Variants in VPS37A observed in about 807,000 individuals in gnomAD.
VPS37A encodes the protein vacuolar protein sorting-associated protein 37A.
Under a neutral mutation model 49.8 loss-of-function variants are expected in VPS37A, and 30 were observed. The ratio of observed to expected loss-of-function variants is 0.60; its 90% confidence interval spans 0.45 to 0.82. VPS37A has a LOEUF of 0.82. VPS37A is among the 40% of genes least tolerant of loss of function. The probability of loss-of-function intolerance (pLI) is 0.00; values close to 1 mark genes in which losing one functional copy is unlikely to be tolerated. For missense variants in VPS37A, 593 were observed against 464.4 expected (o/e 1.28, Z -2.55); for synonymous variants, 195 against 160.6 (o/e 1.21, Z -1.62).
In VPS37A at chr8:17,247,240, G is replaced by T; in HGVS notation, c.-5G>T. On this transcript the variant is annotated 5_prime_UTR_variant, in exon 1 of 12. It adds an upstream start codon to the 5' untranslated region. Coordinates refer to ENST00000324849, the MANE Select transcript of VPS37A (RefSeq NM_152415.3). ...CAGGGCCTCCGGCCCGTGGACCCGA[G>T]GAGGATGAGCTGGCTTTTTCCCCTG... 2 of 1,568,600 alleles carry T rather than the reference G, an allele frequency of 1.3e-6. No individual in the cohort carries two copies. Among genetic ancestry groups the T allele is most frequent in the East Asian group, 2.4e-5 (1 of 42,080 alleles).
intron 10 of VPS37A, among the ~76,000 whole-genome samples, chr8:17,285,092 T>C (rs1815466388): frequency 6.6e-6 from 1 of 152,166 alleles, no homozygotes; most frequent in African/African-American, 2.4e-5. Flanking sequence ...CAAATTACTT[T>C]AGCATACTCA....
intron 4 of VPS37A, among the ~76,000 whole-genome samples, chr8:17,271,401 C>A (rs796953478): frequency 6.6e-6 from 1 of 152,084 alleles, no homozygotes; most frequent in Non-Finnish European, 1.5e-5. Context: ...GTCAGGAGAT[C>A]GAGACCATCC....
At chr8:17,307,356 G>A (rs1448893955), downstream of VPS37A, among the ~76,000 whole-genome samples, 1 of 152,198 alleles carries the variant, frequency 6.6e-6, no homozygotes, top group African/African-American at 2.4e-5. Context: ...ACACCAGTTA[G>A]AATGGCGATC....
intron 1 of VPS37A, chr8:17,265,700 A>G (rs1342517391): frequency 5.0e-5 from 68 of 1,367,238 alleles, no homozygotes; most frequent in Non-Finnish European, 6.2e-5. Context: ...CTTCCCCTGG[A>G]TAGTTTAGAA....
intron 1 of VPS37A, chr8:17,247,593 C>T: frequency 4.2e-6 from 3 of 719,092 alleles, no homozygotes; most frequent in Admixed American, 4.0e-5. Context: ...GCTTCTAACT[C>T]GGATTTCCTC....
At chr8:17,322,656 C>CA in the VPS37A span, among the ~76,000 whole-genome samples, 3 of 151,992 alleles carry the variant, frequency 2.0e-5, no homozygotes, top group African/African-American at 7.2e-5. Context: ...CCCATCTCTA[C>CA]AAAAAATAAA....
chr8:17,269,273 G>T (rs1194478016), intron 4 of VPS37A, among the ~76,000 whole-genome samples: 2 of 152,072 alleles, frequency 1.3e-5, no homozygotes, highest in South Asian at 4.1e-4. Context: ...CACTGTCTCA[G>T]TGAAATTATA....
At position 17,274,797 on chromosome 8, in the gene VPS37A, T is replaced by C. The variant is rs1225940395; in HGVS notation, c.481T>C (p.Tyr161His). 5 of 1,614,070 alleles carry C rather than the reference T, an allele frequency of 3.1e-6. No homozygotes were observed. Among genetic ancestry groups the C allele is most frequent in the Non-Finnish European group, 4.2e-6 (5 of 1,180,016 alleles). The change falls in exon 5 of 12, where the codon TAT (tyrosine) becomes CAT (histidine). Residue 161 changes from tyrosine to histidine, a missense_variant. Transcript: ENST00000324849. ...ASQGFPFLPP[Y>H]PPQEANRSIT... ...TCAGGGTTTTCCATTTCTTCCTCCA[T>C]ATCCTCCACAAGAAGCAAACAGGAG...
chr8:17,318,419 C>T, the VPS37A span, among the ~76,000 whole-genome samples: 5 of 152,236 alleles, frequency 3.3e-5, no homozygotes, highest in Middle Eastern at 3.4e-3. Flanking sequence ...AAAAAAGGTA[C>T]AGGATGAGCA....
chr8:17,316,080 T>C, the VPS37A span, among the ~76,000 whole-genome samples: 10 of 152,162 alleles, frequency 6.6e-5, no homozygotes, highest in South Asian at 2.1e-4. Flanking sequence ...CCTATGAAGA[T>C]TGTTAATATT....
chr8:17,273,409 C>T (rs911245263), intron 4 of VPS37A, among the ~76,000 whole-genome samples: 1 of 152,200 alleles, frequency 6.6e-6, no homozygotes, highest in Non-Finnish European at 1.5e-5. Flanking sequence ...CTATTTTCCC[C>T]AGGCTGGAGT....
At chr8:17,300,317 G>A, downstream of VPS37A, 1 of 1,317,172 alleles carries the variant, frequency 7.6e-7, no homozygotes, top group Non-Finnish European at 1.0e-6. Context: ...CCTCCCACGT[G>A]GGTATAATGT....
intron 9 of VPS37A, among the ~76,000 whole-genome samples, chr8:17,283,105 G>T (rs1815242650): frequency 6.6e-6 from 1 of 152,124 alleles, no homozygotes; most frequent in African/African-American, 2.4e-5. Flanking sequence ...AGAAAATGGT[G>T]CATTACAGTT....
At chr8:17,257,058 A>G (rs1812532773) in intron 1 of VPS37A, among the ~76,000 whole-genome samples, 1 of 152,148 alleles carries the variant, frequency 6.6e-6, no homozygotes, top group African/African-American at 2.4e-5. Flanking sequence ...CCATAGTTTC[A>G]GGTCTTAGAT....
chr8:17,249,666 A>G (rs1811789431), intron 1 of VPS37A, among the ~76,000 whole-genome samples: 1 of 152,222 alleles, frequency 6.6e-6, no homozygotes, highest in Non-Finnish European at 1.5e-5. Flanking sequence ...GCTGGGAGGT[A>G]AAAAATAATC....
chr8:17,257,003 G>C (rs11786857), intron 1 of VPS37A, among the ~76,000 whole-genome samples: 5,383 of 152,198 alleles, frequency 0.035, 152 homozygotes, highest in Non-Finnish European at 0.051. Context: ...TGTTTGCCTA[G>C]AACAATGTAC....
the VPS37A span, chr8:17,331,357 T>C: frequency 6.9e-7 from 1 of 1,438,850 alleles, no homozygotes; most frequent in Non-Finnish European, 9.3e-7. Context: ...AAACATTTCA[T>C]GGATACCCAA....
chr8:17,248,424 G>C (rs1811628562), intron 1 of VPS37A: 2 of 453,370 alleles, frequency 4.4e-6, no homozygotes, highest in Admixed American at 2.4e-5. Flanking sequence ...ACAGGTGCGC[G>C]CCACCATGCG....
downstream of VPS37A, chr8:17,298,204 A>G (rs1211651861): frequency 6.6e-6 from 1 of 152,108 alleles, no homozygotes; most frequent in Non-Finnish European, 1.5e-5. Flanking sequence ...TTACCACTAT[A>G]TCCTAAGTTT....
Sources: allele counts gnomAD v4.1 joint callset (sites outside exome capture counted in the v4.1 genomes callset), GRCh38; gene constraint gnomAD v4.1.1; transcripts MANE v1.5; gene names NCBI Gene and HGNC (gene_info 2026-07-23, HGNC 2026-07-21).